Variants in CTNND1 observed in about 807,000 individuals in gnomAD.
The protein encoded by CTNND1 is catenin delta 1, also known as catenin delta-1.
Under a neutral mutation model 112.1 loss-of-function variants are expected in CTNND1, and 16 were observed. The ratio of observed to expected loss-of-function variants is 0.14; its 90% CI spans 0.10 to 0.22. The LOEUF (loss-of-function observed/expected upper bound fraction) is 0.22. Among genes scored for constraint, CTNND1 ranks in the 10% least tolerant of loss-of-function variants. The probability of loss-of-function intolerance (pLI) is 1.00; values close to 1 mark genes in which losing one functional copy is unlikely to be tolerated. For synonymous variants in CTNND1, 420 were observed against 446.5 expected (o/e 0.94, Z 0.75); for missense variants, 1,008 against 1,257.0 (o/e 0.80, Z 3.00).
chr11:57,782,785 TGAG>T (rs1232603353), intron 1 of CTNND1, among the ~76,000 whole-genome samples: 4 of 152,222 alleles, frequency 2.6e-5, no homozygotes, highest in African/African-American at 7.2e-5. Flanking sequence ...AGCAGATCCA[TGAG>T]GAAGCATAGA....
intron 12 of CTNND1, among the ~76,000 whole-genome samples, chr11:57,807,717 T>C (rs916285883): frequency 6.6e-6 from 1 of 151,896 alleles, no homozygotes; most frequent in African/African-American, 2.4e-5. Flanking sequence ...CAGCTCTCCA[T>C]GGATATAAAA....
In CTNND1 at chr11:57,791,450, G is replaced by C; in HGVS notation, c.-29G>C. Reference sequence around the variant, plus strand: ...TGTGATTCACCTTCCTTTTTACCCTGCCCTGCGGCGGCTCCGCCCCTTACC... The same window carrying C: ...TGTGATTCACCTTCCTTTTTACCCTCCCCTGCGGCGGCTCCGCCCCTTACC... On this transcript the variant is annotated 5_prime_UTR_variant, in exon 3 of 21. Transcript: ENST00000399050. 1 of 1,419,350 alleles carries C rather than the reference G, an allele frequency of 7.0e-7. No homozygotes were observed. The highest frequency in any genetic ancestry group is 9.3e-7 in the Non-Finnish European group (1 of 1,078,696). 87.9% of individuals were successfully genotyped at this position (1,419,350 alleles called of 1,614,324 possible).
rs2064015379 is a variant in CTNND1 at position 57,816,786 on chromosome 11, G to C, written c.*478G>C. On this transcript the variant is annotated 3_prime_UTR_variant, in exon 21 of 21. Transcript: ENST00000399050. ...GAAGGGACTTTTATTTTCTTTTAGAGAGGGGAAAGTGTGAGCTCTTCCCTT... is the reference window on the plus strand; with the variant it reads ...GAAGGGACTTTTATTTTCTTTTAGACAGGGGAAAGTGTGAGCTCTTCCCTT... 6.2e-6 allele frequency: 1 copy of C among 160,522 alleles called. No individual in the cohort carries two copies. The highest frequency in any genetic ancestry group is 1.8e-4 in the East Asian group (1 of 5,472). 9.9% of individuals were successfully genotyped at this position (160,522 alleles called of 1,614,324 possible). A position where few individuals can be genotyped will look rare whatever the true frequency, so the allele number is the denominator to read the frequency against.
At chr11:57,795,450 C>A in intron 4 of CTNND1, 127 bp from the exon 5 acceptor site, 1 of 963,674 alleles carries the variant, frequency 1.0e-6, no homozygotes, top group Non-Finnish European at 1.5e-6. Context: ...ATCTAAAAAT[C>A]CTGAGGCCTA....
In CTNND1 at chr11:57,768,386, C is replaced by CT. The variant is rs10617530; in HGVS notation, c.-214+6293dup. Reference sequence around the variant, plus strand: ...ATTTGTATGATTTGTGGACATCATCCTTTTTTTTTTTTTTTTTTTTTTTTT... The same window carrying CT: ...ATTTGTATGATTTGTGGACATCATCCTTTTTTTTTTTTTTTTTTTTTTTTTT... On this transcript the variant is annotated intron_variant, in intron 1 of 20. Coordinates refer to ENST00000399050, the MANE Select transcript of CTNND1 (RefSeq NM_001085458.2). 8.9e-4 allele frequency among the ~76,000 whole-genome samples: 36 copies of CT among 40,328 alleles called. 1 individual carries two copies. Among genetic ancestry groups the CT allele is most frequent in the African/African-American group, 2.7e-3 (35 of 12,910 alleles). The allele number at this position is 40,328 out of a possible 152,430, so 26.5% of individuals were successfully genotyped here.
Position 57,795,647 on chromosome 11 carries a change from C to T in CTNND1, c.338C>T (p.Thr113Met), listed in dbSNP as rs773407759. The change falls in exon 5 of 21, where the codon ACG (threonine) becomes ATG (methionine). Residue 113 changes from threonine (T) to methionine (M), a missense_variant. Physicochemically the swap from Thr to Met is moderately conservative, Grantham distance 81. Transcript: ENST00000399050. Reference sequence around the variant, plus strand: ...CCGGGGCAGATTGTGGAGACCTACACGGAGGAGGATCCTGAGGGAGCCATG... The same window carrying T: ...CCGGGGCAGATTGTGGAGACCTACATGGAGGAGGATCCTGAGGGAGCCATG... ...QEPGQIVETYTEEDPEGAMSV... is the reference protein window; with the variant it reads ...QEPGQIVETYMEEDPEGAMSV... 36 of 1,609,720 alleles carry T rather than the reference C, an allele frequency of 2.2e-5. No individual in the cohort carries two copies. The highest frequency in any genetic ancestry group is 8.9e-5 in the South Asian group (8 of 90,364).
chr11:57,813,483 A>G (rs1309572687), intron 17 of CTNND1, among the ~76,000 whole-genome samples: 5 of 152,240 alleles, frequency 3.3e-5, no homozygotes, highest in East Asian at 1.9e-4. Context: ...ACATATGTCA[A>G]AATCGTACAT....
rs2062298724 is a variant in CTNND1, at chr11:57,803,706, C to T, written c.1506C>T (p.Ile502=). The change falls in exon 8 of 21, where the codon ATC becomes ATT. Residue 502 remains isoleucine, a synonymous_variant. Transcript: ENST00000399050. ...TGCATGCCTTGACAGATGAAGTGAT[C>T]ATTCCTCATTCTGGTTGGGAGCGGG... The part of the protein sequence containing the change: ...HALHALTDEV[I]IPHSGWEREP... 1 of 1,613,574 alleles carries T rather than the reference C, an allele frequency of 6.2e-7. No homozygotes were observed. Among genetic ancestry groups the T allele is most frequent in the South Asian group, 1.1e-5 (1 of 90,996 alleles).
At chr11:57,785,628 C>T (rs997178072) in intron 1 of CTNND1, among the ~76,000 whole-genome samples, 7 of 152,008 alleles carry the variant, frequency 4.6e-5, no homozygotes, top group African/African-American at 1.7e-4. Context: ...CGGCTCACTG[C>T]AACCTCCGCC....
intron 2 of CTNND1, among the ~76,000 whole-genome samples, chr11:57,790,469 C>T (rs1023502681): frequency 2.8e-4 from 24 of 86,840 alleles, no homozygotes; most frequent in Non-Finnish European, 6.2e-4. Context: ...CTGCAACCTC[C>T]GCTATTCTCC....
intron 1 of CTNND1, among the ~76,000 whole-genome samples, chr11:57,787,788 T>C (rs950050687): frequency 2.0e-5 from 3 of 152,238 alleles, no homozygotes; most frequent in African/African-American, 4.8e-5. Flanking sequence ...TTTTGTGTAA[T>C]TGTGCTGTCT....
At chr11:57,807,076 T>A in intron 12 of CTNND1, 93 bp downstream of exon 12, 1 of 989,510 alleles carries the variant, frequency 1.0e-6, no homozygotes, top group South Asian at 1.5e-5. Context: ...GTAATACGTT[T>A]ATTGTCCTCT....
At chr11:57,795,520 G>T in intron 4 of CTNND1, 57 bp from the exon 5 acceptor site, 1 of 1,533,616 alleles carries the variant, frequency 6.5e-7, no homozygotes, top group Non-Finnish European at 8.8e-7. Flanking sequence ...TTATTAGGAT[G>T]GCTTGTTATA....
At chr11:57,805,778 C>A in intron 9 of CTNND1, 104 bp from the exon 10 acceptor site, 1 of 1,286,722 alleles carries the variant, frequency 7.8e-7, no homozygotes, top group Non-Finnish European at 1.1e-6. Context: ...TTGGGTTATG[C>A]ATTTGAAGAT....
At chr11:57,816,124 G>C in intron 20 of CTNND1, 123 bp downstream of exon 20, 2 of 1,133,048 alleles carry the variant, frequency 1.8e-6, no homozygotes, top group Non-Finnish European at 2.6e-6. Context: ...CATGGGGCTC[G>C]AGGGGTTCTG....
chr11:57,791,151 TTTAATTGCACCTTTCC>T (rs1239222393), intron 2 of CTNND1, among the ~76,000 whole-genome samples: 2 of 152,236 alleles, frequency 1.3e-5, no homozygotes, highest in African/African-American at 4.8e-5. Context: ...GAGACTTAGA[TTTAATTGCACCTTTCC>T]TTTCAATAGT....
rs1430584775 is a variant in CTNND1 at position 57,818,398 on chromosome 11, T to C, written c.*2090T>C. The C allele has an allele frequency of 6.6e-6, 1 of 152,652 alleles. No individual in the cohort carries two copies. The highest frequency in any genetic ancestry group is 1.9e-4 in the East Asian group (1 of 5,206). 9.5% of individuals were successfully genotyped at this position (152,652 alleles called of 1,614,324 possible). A position where few individuals can be genotyped will look rare whatever the true frequency, so the allele number is the denominator to read the frequency against. ...TCTTTTCTTTCTGTCTTGTTAATGC[T>C]TTTAAAAACAAATGAGTTTTTTATA... On this transcript the variant is annotated 3_prime_UTR_variant, in exon 21 of 21. Coordinates refer to ENST00000399050, the MANE Select transcript of CTNND1 (RefSeq NM_001085458.2).
intron 17 of CTNND1, among the ~76,000 whole-genome samples, chr11:57,813,326 A>C (rs535431419): frequency 1.5e-4 from 23 of 152,348 alleles, no homozygotes; most frequent in Admixed American, 4.6e-4. Flanking sequence ...CCCTGTCTCA[A>C]AAAATACATG....
chr11:57,804,536 G>A (rs530107161), intron 8 of CTNND1, 127 bp from the exon 9 acceptor site: 1 of 678,332 alleles, frequency 1.5e-6, no homozygotes, highest in Non-Finnish European at 2.5e-6. Context: ...GCAGTACCTT[G>A]CTTATAATAG....
Sources: gnomAD v4.1 joint callset for allele counts (sites outside exome capture counted in the v4.1 genomes callset) on GRCh38, gnomAD v4.1.1 for gene constraint, MANE v1.5 for transcripts, NCBI Gene and HGNC (gene_info 2026-07-23, HGNC 2026-07-21) for gene names.